UHRF1: variants seen among roughly 807,000 people sequenced by gnomAD.
UHRF1 encodes the protein E3 ubiquitin-protein ligase UHRF1.
A neutral mutation model predicts 96.5 loss-of-function variants in UHRF1; 9 were observed. That is an observed-to-expected ratio of 0.09 (90% CI 0.06 to 0.16). UHRF1 has a LOEUF of 0.16. Among genes scored for constraint, UHRF1 ranks in the 10% least tolerant of loss-of-function variants. UHRF1 has a pLI of 1.00. For synonymous variants in UHRF1, 455 were observed against 469.9 expected (o/e 0.97, Z 0.41); for missense variants, 626 against 1,131.1 (o/e 0.55, Z 6.40).
chr19:4,941,325 G>T (rs993576950), intron 5 of UHRF1, among the ~76,000 whole-genome samples: 3 of 151,884 alleles, frequency 2.0e-5, no homozygotes, highest in Middle Eastern at 3.4e-3. Context: ...TCCTGACCTC[G>T]GCCTCCCAGT....
rs867261571 is a variant in UHRF1 at position 4,958,962 on chromosome 19, A to C, written c.2236-1695A>C. Reference sequence around the variant, plus strand: ...GGGCGTCAGAGCAAGATTCTGTCTCAAAAAAAAAAAAAAAAAATTGAAAAA... The same window carrying C: ...GGGCGTCAGAGCAAGATTCTGTCTCCAAAAAAAAAAAAAAAAATTGAAAAA... On this transcript the variant is annotated intron_variant, in intron 16 of 16. Coordinates refer to ENST00000650932, the MANE Select transcript of UHRF1 (RefSeq NM_001048201.3). Among the ~76,000 whole-genome samples, 1,184 of 126,054 alleles carry C rather than the reference A, an allele frequency of 9.4e-3. 7 individuals carry two copies. The highest frequency in any genetic ancestry group is 0.042 in the African/African-American group (1,128 of 26,806). 82.7% of individuals were successfully genotyped at this position (126,054 alleles called of 152,430 possible). A position where few individuals can be genotyped will look rare whatever the true frequency, so the allele number is the denominator to read the frequency against.
At chr19:4,939,003 T>C (rs979114742) in intron 5 of UHRF1, among the ~76,000 whole-genome samples, 7 of 151,710 alleles carry the variant, frequency 4.6e-5, no homozygotes, top group African/African-American at 1.7e-4. Flanking sequence ...AACCTCCACC[T>C]CCCGGGTTCA....
rs1177445584 is a variant in UHRF1, at chr19:4,930,709, C to T, written c.409-7C>T. 1 of 1,613,160 alleles carries T rather than the reference C, an allele frequency of 6.2e-7. No individual in the cohort carries two copies. Among genetic ancestry groups the T allele is most frequent in the East Asian group, 2.2e-5 (1 of 44,852 alleles). Reference sequence around the variant, plus strand: ...TTGGGATGCCAGACTTCCCTCATTCCTCACAGGTCAATGAGTACGTCGATG... The same window carrying T: ...TTGGGATGCCAGACTTCCCTCATTCTTCACAGGTCAATGAGTACGTCGATG... On this transcript the variant is annotated splice_polypyrimidine_tract_variant and splice_region_variant and intron_variant, in intron 3 of 16. Transcript: ENST00000650932. The surrounding 1 kb of genome is among the most constrained non-coding windows in gnomAD (Gnocchi z 4.4).
At chr19:4,909,245 T>G (rs531216468), upstream of UHRF1, 1,790 of 514,680 alleles carry the variant, frequency 3.5e-3, 26 homozygotes, top group African/African-American at 0.031. Flanking sequence ...GCTCCTGGGG[T>G]GTCCACGTGC....
intron 9 of UHRF1, among the ~76,000 whole-genome samples, chr19:4,945,238 C>T (rs17178414): frequency 0.32 from 49,192 of 152,016 alleles, 8,062 homozygotes; most frequent in Non-Finnish European, 0.34. Context: ...ATATCATAAC[C>T]TCATTTAGAA....
At chr19:4,919,825 T>A (rs1188311337) in intron 2 of UHRF1, among the ~76,000 whole-genome samples, 7 of 150,110 alleles carry the variant, frequency 4.7e-5, no homozygotes, top group African/African-American at 7.3e-5. Context: ...TTGTTAATAT[T>A]TTTTTTTTTG....
chr19:4,935,257 C>G (rs1436077839), intron 5 of UHRF1, among the ~76,000 whole-genome samples: 1 of 152,100 alleles, frequency 6.6e-6, no homozygotes. Context: ...CGTGAGCCAC[C>G]GCACCCAGCC....
chr19:4,908,240 G>A (rs922023152), upstream of UHRF1, among the ~76,000 whole-genome samples: 1 of 152,136 alleles, frequency 6.6e-6, no homozygotes, highest in African/African-American at 2.4e-5. Flanking sequence ...GCGAGGACGT[G>A]GGGGTCTAGA....
intron 2 of UHRF1, among the ~76,000 whole-genome samples, chr19:4,924,929 C>T (rs566107263): frequency 6.6e-6 from 1 of 151,188 alleles, no homozygotes; most frequent in African/African-American, 2.4e-5. Flanking sequence ...CAGGTTCAAG[C>T]GATTCTCCTG....
Position 4,960,519 on chromosome 19 carries a change from C to T in UHRF1, c.2236-138C>T, listed in dbSNP as rs978849258. 3.2e-6 allele frequency: 4 copies of T among 1,247,084 alleles called. No individual in the cohort carries two copies. The African/African-American group carries it at 4.5e-5, about 14-fold the overall frequency. 77.3% of individuals were successfully genotyped at this position (1,247,084 alleles called of 1,614,324 possible). A position where few individuals can be genotyped will look rare whatever the true frequency, so the allele number is the denominator to read the frequency against. ...CTAGGGGGGCCAGGCTGGTGATGGG[C>T]AGCAGGTGGAAAGTGAGACTGAAGG... On this transcript the variant is annotated intron_variant, in intron 16 of 16. Transcript: ENST00000650932.
chr19:4,922,945 G>A (rs2040679268), intron 2 of UHRF1, among the ~76,000 whole-genome samples: 1 of 152,192 alleles, frequency 6.6e-6, no homozygotes, highest in Non-Finnish European at 1.5e-5. Context: ...ATGGAGGGGC[G>A]ACCCGTCAGG....
intron 7 of UHRF1, among the ~76,000 whole-genome samples, 163 bp downstream of exon 7, chr19:4,942,094 A>C (rs2033422571): frequency 6.6e-6 from 1 of 152,214 alleles, no homozygotes; most frequent in Admixed American, 6.5e-5. Context: ...TCAGGAGTTC[A>C]AGAGCAGCCT....
rs1203961237 is a variant in UHRF1, at chr19:4,941,829, G to A, written c.971G>A (p.Arg324Gln). 6.3e-7 allele frequency: 1 copy of A among 1,577,154 alleles called. No homozygotes were observed. Among genetic ancestry groups the A allele is most frequent in the Non-Finnish European group, 8.6e-7 (1 of 1,162,008 alleles). The change falls in exon 7 of 17, where the codon CGG becomes CAG. Residue 324 changes from arginine (R) to glutamine (Q), a missense_variant. Coordinates refer to ENST00000650932, the MANE Select transcript of UHRF1 (RefSeq NM_001048201.3). ...TGCGCCTGCCACCTGTGCGGGGGCC[G>A]GCAGGACCCCGACAAGCAGCTCATG... ...RVCACHLCGG[R>Q]QDPDKQLMCD...
In UHRF1 at chr19:4,932,799, A is replaced by G. The variant is rs770935878; in HGVS notation, c.628A>G (p.Thr210Ala). The G allele has an allele frequency of 1.7e-5, 27 of 1,613,918 alleles. No individual in the cohort carries two copies. The highest frequency in any genetic ancestry group is 2.3e-5 in the Non-Finnish European group (27 of 1,179,882). ...NSRDVRARAR[T>A]IIKWQDLEVG... is the part of the protein sequence containing the mutation. ...CAGGGACGTCCGAGCGCGCGCCCGC[A>G]CCATCATCAAGTGGCAGGACCTGGA... Residue 210 changes from threonine to alanine, a missense_variant, in exon 5 of 17, where the codon ACC becomes GCC. By Grantham distance (58) the Thr-to-Ala change is moderately conservative (BLOSUM62 0). Around this residue, in one of 11 missense-constraint regions of UHRF1, gnomAD observed 198 missense variants for 235.1 expected, o/e 0.84. Coordinates refer to ENST00000650932, the MANE Select transcript of UHRF1 (RefSeq NM_001048201.3).
chr19:4,943,886 G>A (rs1470312302), intron 7 of UHRF1, among the ~76,000 whole-genome samples: 2 of 152,124 alleles, frequency 1.3e-5, no homozygotes, highest in African/African-American at 4.8e-5. Flanking sequence ...CCTGACCTCA[G>A]GTGATCTGCC....
intron 5 of UHRF1, among the ~76,000 whole-genome samples, chr19:4,937,547 A>G (rs2033254595): frequency 6.6e-6 from 1 of 151,952 alleles, no homozygotes; most frequent in African/African-American, 2.4e-5. Context: ...TATTTTTAGT[A>G]GAGGTGGGGT....
intron 3 of UHRF1, among the ~76,000 whole-genome samples, chr19:4,929,731 C>T (rs978374394): frequency 3.9e-5 from 6 of 152,192 alleles, no homozygotes; most frequent in Non-Finnish European, 7.4e-5. Context: ...GTGGCTGTGA[C>T]GTTTCTGAAC....
chr19:4,949,121 CA>C (rs35300036), intron 11 of UHRF1, among the ~76,000 whole-genome samples: 78,600 of 138,516 alleles, frequency 0.57, 22,035 homozygotes, highest in Non-Finnish European at 0.67. Flanking sequence ...GGTGACAGAG[CA>C]AAAAAAAAAA....
At chr19:4,959,668 C>G (rs935223299) in intron 16 of UHRF1, among the ~76,000 whole-genome samples, 1 of 152,142 alleles carries the variant, frequency 6.6e-6, no homozygotes, top group Non-Finnish European at 1.5e-5. Context: ...TGGTTCCTTC[C>G]TCCTTTTCCC....
Sources: gnomAD v4.1 joint callset for allele counts (sites outside exome capture counted in the v4.1 genomes callset) on GRCh38, gnomAD v4.1.1 for gene constraint, gnomAD v4.1.1 regional missense constraint, Gnocchi (gnomAD v3.1) non-coding constraint, MANE v1.5 for transcripts, NCBI Gene and HGNC (gene_info 2026-07-23, HGNC 2026-07-21) for gene names.